IFT43: variants seen among roughly 807,000 people sequenced by gnomAD.
IFT43 encodes the protein intraflagellar transport 43.
IFT43 carries 33 observed loss-of-function variants against 32.3 expected under a neutral mutation model. That is an observed-to-expected ratio of 1.02 (90% CI 0.77 to 1.37). The LOEUF (loss-of-function observed/expected upper bound fraction) is 1.37, where lower values mean the gene tolerates loss of function less well. Among genes scored for constraint, IFT43 ranks in the 40% most tolerant of loss-of-function variants. The pLI is 0.00. For synonymous variants in IFT43, 93 were observed against 98.2 expected (o/e 0.95, Z 0.31); for missense variants, 274 against 265.9 (o/e 1.03, Z -0.21).
intron 3 of IFT43, 181 bp from the exon 4 acceptor site, chr14:76,058,461 C>A (rs2037067358): frequency 4.9e-6 from 3 of 612,874 alleles, no homozygotes; most frequent in Middle Eastern, 4.6e-4. Flanking sequence ...TAAGAAGGCA[C>A]TACAGCATCT....
At position 75,985,783 on chromosome 14, in the gene IFT43, G is replaced by T; in HGVS notation, c.-4G>T. 6.2e-7 allele frequency: 1 copy of T among 1,614,192 alleles called. No homozygotes were observed. The highest frequency in any genetic ancestry group is 1.7e-5 in the Admixed American group (1 of 60,030). On this transcript the variant is annotated 5_prime_UTR_variant, in exon 1 of 9. Transcript: ENST00000314067. ...CCAGGAAGTGACGTCAGGCGGCCGC[G>T]GAGATGGAGGATTTGCTCGACTTGG...
intron 2 of IFT43, among the ~76,000 whole-genome samples, chr14:75,999,256 TATATATATATA>T (rs2035822235): frequency 8.2e-5 from 1 of 12,148 alleles, no homozygotes; most frequent in African/African-American, 3.1e-4. Flanking sequence ...TATATATATA[TATATATATATA>T]TATATGTATA....
At chr14:75,998,071 G>A (rs1053412799) in intron 2 of IFT43, among the ~76,000 whole-genome samples, 8 of 152,158 alleles carry the variant, frequency 5.3e-5, no homozygotes, top group African/African-American at 9.7e-5. Flanking sequence ...ATTTAAGTGC[G>A]GTCCCTTTAT....
At chr14:76,059,942 T>C (rs2037098913) in intron 5 of IFT43, among the ~76,000 whole-genome samples, 1 of 152,224 alleles carries the variant, frequency 6.6e-6, no homozygotes, top group Non-Finnish European at 1.5e-5. Context: ...TTTAACTCTT[T>C]GTTGGCTTGA....
chr14:76,059,635 C>T (rs1055755295), intron 5 of IFT43: 2 of 489,648 alleles, frequency 4.1e-6, no homozygotes, highest in African/African-American at 3.9e-5. Flanking sequence ...CTTCCCTTCC[C>T]ATCCCACTCC....
At chr14:76,073,200 T>C (rs193172802) in intron 5 of IFT43, among the ~76,000 whole-genome samples, 132 of 152,264 alleles carry the variant, frequency 8.7e-4, no homozygotes, top group African/African-American at 2.8e-3. Context: ...ACACAGCAGG[T>C]TGTGGCCTGG....
chr14:76,015,911 ATC>A (rs1224404467), intron 2 of IFT43, among the ~76,000 whole-genome samples: 1 of 152,210 alleles, frequency 6.6e-6, no homozygotes, highest in Non-Finnish European at 1.5e-5. Context: ...TTGGATTTGC[ATC>A]TCTCTGATGC....
At chr14:76,035,095 T>C (rs776041058) in intron 3 of IFT43, among the ~76,000 whole-genome samples, 2 of 152,240 alleles carry the variant, frequency 1.3e-5, no homozygotes, top group Non-Finnish European at 2.9e-5. Context: ...TTGCTCTCAA[T>C]GTCAGCCGTC....
intron 5 of IFT43, among the ~76,000 whole-genome samples, chr14:76,081,611 C>T (rs938212624): frequency 2.6e-5 from 4 of 152,196 alleles, no homozygotes; most frequent in South Asian, 2.1e-4. Flanking sequence ...GAAATGGCCT[C>T]GTGTCTCCTC....
At chr14:76,083,935 G>A (rs2037562892), downstream of IFT43, 1 of 470,158 alleles carries the variant, frequency 2.1e-6, no homozygotes, top group African/African-American at 2.0e-5. Context: ...TCAAACAGTT[G>A]CCTGCTGGGG....
intron 5 of IFT43, among the ~76,000 whole-genome samples, chr14:76,068,310 G>C (rs2037261926): frequency 6.6e-6 from 1 of 152,148 alleles, no homozygotes; most frequent in Non-Finnish European, 1.5e-5. Flanking sequence ...AATGAATAAG[G>C]AATTTATAGT....
chr14:76,023,890 C>G (rs2036340850), intron 3 of IFT43, among the ~76,000 whole-genome samples: 1 of 152,122 alleles, frequency 6.6e-6, no homozygotes, highest in Non-Finnish European at 1.5e-5. Context: ...ATTTTTTAAA[C>G]CTTATGATGT....
chr14:76,075,670 G>A (rs915354872), intron 5 of IFT43, among the ~76,000 whole-genome samples: 3 of 152,174 alleles, frequency 2.0e-5, no homozygotes, highest in South Asian at 2.1e-4. Flanking sequence ...ACATAGTGTC[G>A]CAGCAGCTCA....
At chr14:76,052,109 G>A (rs1018606394) in intron 3 of IFT43, among the ~76,000 whole-genome samples, 1 of 152,018 alleles carries the variant, frequency 6.6e-6, no homozygotes, top group African/African-American at 2.4e-5. Context: ...AGTATGTGCT[G>A]TGGATATTAA....
At chr14:76,078,357 G>A (rs191489504) in intron 5 of IFT43, among the ~76,000 whole-genome samples, 1 of 152,228 alleles carries the variant, frequency 6.6e-6, no homozygotes, top group African/African-American at 2.4e-5. Flanking sequence ...AAATCCAGTT[G>A]GTTTCCTTCT....
At chr14:76,002,557 G>C (rs2035908633) in intron 2 of IFT43, among the ~76,000 whole-genome samples, 1 of 152,282 alleles carries the variant, frequency 6.6e-6, no homozygotes, top group South Asian at 2.1e-4. Flanking sequence ...AAGGGTCTGG[G>C]AACCACAAGG....
chr14:76,082,762 A>C, intron 7 of IFT43, 70 bp downstream of exon 7: 1 of 1,173,298 alleles, frequency 8.5e-7, no homozygotes, highest in Non-Finnish European at 1.3e-6. Context: ...GAGATTTCTC[A>C]GTTCCTCCCA....
intron 2 of IFT43, among the ~76,000 whole-genome samples, chr14:76,001,001 G>C (rs2035874391): frequency 6.6e-6 from 1 of 152,208 alleles, no homozygotes; most frequent in Non-Finnish European, 1.5e-5. Context: ...TAACAGATAT[G>C]GGGGTCATCA....
At chr14:76,006,966 T>A (rs1023526155) in intron 2 of IFT43, among the ~76,000 whole-genome samples, 2 of 149,956 alleles carry the variant, frequency 1.3e-5, no homozygotes, top group African/African-American at 4.9e-5. Context: ...CAAGCAATCC[T>A]CCTAGATCAG....
Sources: gnomAD v4.1 joint callset for allele counts (sites outside exome capture counted in the v4.1 genomes callset) on GRCh38, gnomAD v4.1.1 for gene constraint, MANE v1.5 for transcripts, NCBI Gene and HGNC (gene_info 2026-07-23, HGNC 2026-07-21) for gene names.